PIK3C2G: variants seen among roughly 807,000 people sequenced by gnomAD.
The protein encoded by PIK3C2G is phosphatidylinositol-4-phosphate 3-kinase catalytic subunit type 2 gamma.
In PIK3C2G, 168 loss-of-function variants were observed where a neutral mutation model predicts 181.1. The observed-to-expected ratio is 0.93, with a 90% CI of 0.82 to 1.05. The LOEUF (loss-of-function observed/expected upper bound fraction) is 1.05. Ranked by LOEUF, PIK3C2G falls within the 50% of genes least tolerant of loss-of-function variation. The pLI is 0.00. For synonymous variants in PIK3C2G, 573 were observed against 592.2 expected, an observed-to-expected ratio of 0.97 and a Z score of 0.47; for missense variants, 1,869 against 1,732.8, an observed-to-expected ratio of 1.08 and a Z score of -1.40.
downstream of PIK3C2G, among the ~76,000 whole-genome samples, chr12:18,648,682 T>C (rs1950285870): frequency 6.6e-6 from 1 of 152,110 alleles, no homozygotes. Context: ...TGGTTATGCC[T>C]GGACTCCAAG....
At chr12:18,392,181 G>C (rs1034543443) in intron 15 of PIK3C2G, among the ~76,000 whole-genome samples, 3 of 152,086 alleles carry the variant, frequency 2.0e-5, no homozygotes, top group African/African-American at 7.2e-5. Context: ...TTTGGCAGTT[G>C]AGAAGACATA....
chr12:18,519,652 G>T (rs1942782066), intron 24 of PIK3C2G, among the ~76,000 whole-genome samples: 1 of 151,964 alleles, frequency 6.6e-6, no homozygotes, highest in South Asian at 2.1e-4. Flanking sequence ...CACACCGATT[G>T]GTCTTGACTC....
chr12:18,524,008 C>T (rs1381974126), intron 24 of PIK3C2G, among the ~76,000 whole-genome samples: 2 of 152,162 alleles, frequency 1.3e-5, no homozygotes, highest in Non-Finnish European at 2.9e-5. Flanking sequence ...ATGGCACCTC[C>T]ACTGGCCAGA....
At chr12:18,483,203 C>T (rs1034554029) in intron 18 of PIK3C2G, among the ~76,000 whole-genome samples, 2 of 152,180 alleles carry the variant, frequency 1.3e-5, no homozygotes, top group East Asian at 3.9e-4. Flanking sequence ...AGAACAGCCA[C>T]ATGTACCATC....
intron 5 of PIK3C2G, among the ~76,000 whole-genome samples, chr12:18,310,955 T>C (rs941195916): frequency 4.6e-5 from 7 of 152,054 alleles, no homozygotes; most frequent in Non-Finnish European, 8.8e-5. Flanking sequence ...GTGTTACCTA[T>C]TTATTTCAGC....
Position 18,460,124 on chromosome 12 carries a change from G to A in PIK3C2G, c.2505-28325G>A, listed in dbSNP as rs146879777. On this transcript the variant is annotated intron_variant, in intron 18 of 32. Transcript: ENST00000538779. ...ATACTTATTAAGGCAGAGTGATATC[G>A]TGTTTAAGAATAATGACCCTGGACT... Among the ~76,000 whole-genome samples, 1,071 of 152,122 alleles carry A rather than the reference G, an allele frequency of 7.0e-3. 6 individuals are homozygous for A. Among genetic ancestry groups the A allele is most frequent in the African/African-American group, 0.019 (784 of 41,486 alleles).
chr12:18,384,036 G>C (rs974457952), intron 14 of PIK3C2G, among the ~76,000 whole-genome samples: 1 of 145,716 alleles, frequency 6.9e-6, no homozygotes, highest in African/African-American at 2.6e-5. Context: ...TGCTCATGCT[G>C]GTCTTGAACT....
At chr12:18,701,900 A>AT in the PIK3C2G span, 2 of 1,350,380 alleles carry the variant, frequency 1.5e-6, no homozygotes. Context: ...TAAGAACTCC[A>AT]TTTTTTCCCA....
chr12:18,718,701 A>G, the PIK3C2G span, among the ~76,000 whole-genome samples: 2 of 152,146 alleles, frequency 1.3e-5, no homozygotes, highest in Non-Finnish European at 2.9e-5. Context: ...TCCACCCCAC[A>G]GTCACTTTCT....
the PIK3C2G span, among the ~76,000 whole-genome samples, chr12:18,680,247 T>A: frequency 6.6e-6 from 1 of 152,046 alleles, no homozygotes; most frequent in Non-Finnish European, 1.5e-5. Context: ...CTCTCTGCAC[T>A]AACCAACAGC....
chr12:18,566,476 A>G (rs1484411884), intron 28 of PIK3C2G, among the ~76,000 whole-genome samples: 1 of 152,234 alleles, frequency 6.6e-6, no homozygotes, highest in Non-Finnish European at 1.5e-5. Context: ...ACTCTTGGGG[A>G]AAGTGTTACT....
chr12:18,597,293 T>C (rs1421319981), intron 30 of PIK3C2G, among the ~76,000 whole-genome samples: 1 of 151,896 alleles, frequency 6.6e-6, no homozygotes, highest in Non-Finnish European at 1.5e-5. Flanking sequence ...GAAACAAGTA[T>C]TGTCAAAAGA....
At position 18,546,477 on chromosome 12, in the gene PIK3C2G, GC is replaced by G. The variant is rs544691509; in HGVS notation, c.3590+46del. 814 of 995,246 alleles carry G rather than the reference GC, an allele frequency of 8.2e-4. 5 individuals are homozygous for G. The African/African-American group carries it at 0.012, about 14-fold the overall frequency. 61.7% of individuals were successfully genotyped at this position (995,246 alleles called of 1,614,324 possible). ...TGTGAGCATGCATGCATGAATGTAC[GC>G]AGACACATGTTCCACAGTGGAGATG... is the stretch of plus-strand genomic sequence containing the variant. On this transcript the variant is annotated intron_variant, in intron 26 of 32. Transcript: ENST00000538779.
chr12:18,483,027 C>A (rs529864704), intron 18 of PIK3C2G, among the ~76,000 whole-genome samples: 1 of 152,256 alleles, frequency 6.6e-6, no homozygotes, highest in East Asian at 1.9e-4. Flanking sequence ...ACTATTATCT[C>A]TTTTCTTCAG....
At chr12:18,667,543 G>A in the PIK3C2G span, among the ~76,000 whole-genome samples, 1 of 152,006 alleles carries the variant, frequency 6.6e-6, no homozygotes, top group Non-Finnish European at 1.5e-5. Context: ...ACATATTTAA[G>A]ACTTTTTTTC....
Position 18,561,082 on chromosome 12 carries a change from A to G in PIK3C2G, c.3591-1621A>G, listed in dbSNP as rs547247164. 3.9e-5 allele frequency among the ~76,000 whole-genome samples: 6 copies of G among 152,360 alleles called. No individual in the cohort carries two copies. In the South Asian group the frequency reaches 1.0e-3, roughly 26 times the overall value. ...ACAGACCAACTGTTGTCAGCTTACA[A>G]GAATTCAGAAACTTATTTCCTTGAG... On this transcript the variant is annotated intron_variant, in intron 26 of 32. Transcript: ENST00000538779.
chr12:18,626,274 A>G (rs924479526), intron 31 of PIK3C2G, among the ~76,000 whole-genome samples: 7 of 151,970 alleles, frequency 4.6e-5, no homozygotes, highest in Non-Finnish European at 4.4e-5. Context: ...GCCAATAACA[A>G]TGTAACTTTC....
chr12:18,338,927 T>G (rs1938845014), intron 9 of PIK3C2G, among the ~76,000 whole-genome samples: 1 of 152,090 alleles, frequency 6.6e-6, no homozygotes, highest in Non-Finnish European at 1.5e-5. Context: ...AGATTGTTAA[T>G]GGTTCTCATG....
At chr12:18,288,036 C>T (rs1949529273) in intron 3 of PIK3C2G, among the ~76,000 whole-genome samples, 1 of 151,986 alleles carries the variant, frequency 6.6e-6, no homozygotes, top group South Asian at 2.1e-4. Flanking sequence ...TTGGCAGGCG[C>T]CTGTAATCCC....
Sources: gnomAD v4.1 joint callset for allele counts (sites outside exome capture counted in the v4.1 genomes callset) on GRCh38, gnomAD v4.1.1 for gene constraint, MANE v1.5 for transcripts, NCBI Gene and HGNC (gene_info 2026-07-23, HGNC 2026-07-21) for gene names.